The following ZNF84 variants were observed in gnomAD, a reference collection of about 807,000 sequenced individuals.
ZNF84 encodes zinc finger protein HPF2.
ZNF84 carries 12 observed loss-of-function variants against 14.8 expected under a neutral mutation model. The observed-to-expected ratio is 0.81, with a 90% CI of 0.52 to 1.31. ZNF84 has a LOEUF of 1.31. ZNF84 is among the 50% of genes most tolerant of loss of function. The probability of loss-of-function intolerance (pLI) is 0.00; values close to 1 mark genes in which losing one functional copy is unlikely to be tolerated. For synonymous variants in ZNF84, 347 were observed against 291.1 expected (o/e 1.19, Z -1.96); for missense variants, 859 against 878.6 (o/e 0.98, Z 0.28).
chr12:133,050,819 T>G (rs1954056693), intron 4 of ZNF84, among the ~76,000 whole-genome samples: 1 of 152,228 alleles, frequency 6.6e-6, no homozygotes. Flanking sequence ...TTTAGAAGGT[T>G]GGTCCCTGAG....
chr12:133,042,863 C>T (rs911837800), intron 2 of ZNF84, among the ~76,000 whole-genome samples: 1 of 152,178 alleles, frequency 6.6e-6, no homozygotes, highest in Admixed American at 6.5e-5. Context: ...CATGAAATCA[C>T]CACTCAGATC....
Position 133,057,105 on chromosome 12 carries a change from T to C in ZNF84, c.390T>C (p.Gly130=), listed in dbSNP as rs1173606947. The stretch of plus-strand genomic sequence containing the variant: ...CTTTAAGGAAATCAAACAGTGAAGG[T>C]GACTTAGATGGATTGATTTTAAAAC... The part of the protein sequence containing the change: ...FVPLRKSNSE[G]DLDGLILKHH... The change falls in exon 5 of 5, where the codon GGT becomes GGC. Residue 130 remains glycine, a synonymous_variant. Coordinates refer to ENST00000539354, the MANE Select transcript of ZNF84 (RefSeq NM_001289971.2). 1 of 1,612,338 alleles carries C rather than the reference T, an allele frequency of 6.2e-7. No individual in the cohort carries two copies. Among genetic ancestry groups the C allele is most frequent in the Non-Finnish European group, 8.5e-7 (1 of 1,179,628 alleles).
At chr12:133,053,116 T>C (rs1593708817) in intron 4 of ZNF84, among the ~76,000 whole-genome samples, 1 of 152,154 alleles carries the variant, frequency 6.6e-6, no homozygotes. Flanking sequence ...GAAAATGTAA[T>C]TGGAAGCAGG....
intron 1 of ZNF84, chr12:133,037,869 C>T (rs1953813864): frequency 6.6e-6 from 1 of 152,238 alleles, no homozygotes; most frequent in African/African-American, 2.4e-5. Flanking sequence ...GCCCGCTTGC[C>T]GCGCCGTGGC....
chr12:133,059,995 A>G lies in ZNF84; in HGVS notation c.*1063A>G, dbSNP rs1366106740. The G allele has an allele frequency of 2.6e-5, 4 of 152,222 alleles. No homozygotes were observed. The East Asian group carries it at 7.7e-4, about 29-fold the overall frequency. 9.4% of individuals were successfully genotyped at this position (152,222 alleles called of 1,614,324 possible). A position where few individuals can be genotyped will look rare whatever the true frequency, so the allele number is the denominator to read the frequency against. On this transcript the variant is annotated 3_prime_UTR_variant, in exon 5 of 5. Coordinates refer to ENST00000539354, the MANE Select transcript of ZNF84 (RefSeq NM_001289971.2). The stretch of plus-strand genomic sequence containing the variant: ...CAAAGGCAGGAACCACAGAATAACC[A>G]TAGTAATATATAACTGAATGAGCAA...
At chr12:133,038,318 C>G (rs1953824788) in intron 1 of ZNF84, among the ~76,000 whole-genome samples, 2 of 152,030 alleles carry the variant, frequency 1.3e-5, no homozygotes, top group Admixed American at 1.3e-4. Flanking sequence ...TGTATAACTT[C>G]TCTGGAGCCA....
chr12:133,051,112 G>GTTTTTTTTT (rs71825223), intron 4 of ZNF84, among the ~76,000 whole-genome samples: 1 of 145,576 alleles, frequency 6.9e-6, no homozygotes. Context: ...TTGTTTTTTG[G>GTTTTTTTTT]TTTTTTTTTT....
intron 2 of ZNF84, among the ~76,000 whole-genome samples, chr12:133,043,989 C>T (rs1953933721): frequency 6.6e-6 from 1 of 151,402 alleles, no homozygotes; most frequent in Non-Finnish European, 1.5e-5. Flanking sequence ...GTCTTGAACT[C>T]CTGACCTTGT....
chr12:133,056,030 A>G (rs1476935642), intron 4 of ZNF84, among the ~76,000 whole-genome samples: 2 of 152,202 alleles, frequency 1.3e-5, no homozygotes, highest in African/African-American at 4.8e-5. Flanking sequence ...TGGCTTTCTT[A>G]ATAGTAATGT....
At chr12:133,044,075 T>A (rs2137343140) in intron 2 of ZNF84, among the ~76,000 whole-genome samples, 1 of 152,240 alleles carries the variant, frequency 6.6e-6, no homozygotes, top group South Asian at 2.1e-4. Flanking sequence ...GCTTACTTAT[T>A]AGTTCTAATG....
rs1954268186 is a variant in ZNF84 at position 133,061,725 on chromosome 12, C to G, written c.*2793C>G. 1 of 152,128 alleles carries G rather than the reference C, an allele frequency of 6.6e-6. No homozygotes were observed. Among genetic ancestry groups the G allele is most frequent in the African/African-American group, 2.4e-5 (1 of 41,412 alleles). 9.4% of individuals were successfully genotyped at this position (152,128 alleles called of 1,614,324 possible). On this transcript the variant is annotated 3_prime_UTR_variant, in exon 5 of 5. Transcript: ENST00000539354. ...CCTACACTAGATAATGGAACTTCAACATTAGCCTATTGATTGCCCAAGAAC... is the reference window on the plus strand; with the variant it reads ...CCTACACTAGATAATGGAACTTCAAGATTAGCCTATTGATTGCCCAAGAAC...
Position 133,058,964 on chromosome 12 carries a change from A to G in ZNF84, c.*32A>G. 6 of 1,528,640 alleles carry G rather than the reference A, an allele frequency of 3.9e-6. No individual in the cohort carries two copies. Among genetic ancestry groups the G allele is most frequent in the African/African-American group, 1.4e-5 (1 of 72,322 alleles). 94.7% of individuals were successfully genotyped at this position (1,528,640 alleles called of 1,614,324 possible). On this transcript the variant is annotated 3_prime_UTR_variant, in exon 5 of 5. Transcript: ENST00000539354. ...AGTTAATAGTAGTCTTTGACAGATC[A>G]TCTTGGACTTCAGGAAATGCAATTA...
rs1439238931 is a variant in ZNF84 at position 133,041,470 on chromosome 12, GACC to G, written c.5_7del (p.Thr2del). 13 of 1,614,030 alleles carry G rather than the reference GACC, an allele frequency of 8.1e-6. No homozygotes were observed. Among genetic ancestry groups the G allele is most frequent in the Non-Finnish European group, 1.0e-5 (12 of 1,180,014 alleles). On this transcript the variant is annotated inframe_deletion, in exon 2 of 5. Transcript: ENST00000539354. ...ATCATCTCGTACAGCAGCAGAAAAT[GACC>G]ATGTTACAGGTGAGTTGATTGTTGA... is the stretch of plus-strand genomic sequence containing the variant.
intron 4 of ZNF84, among the ~76,000 whole-genome samples, chr12:133,055,580 T>TA (rs1399669167): frequency 2.6e-5 from 4 of 151,880 alleles, no homozygotes; most frequent in Non-Finnish European, 5.9e-5. Context: ...CAGAAATATT[T>TA]AAAAAAAGAA....
rs928510685 is a variant in ZNF84 at position 133,047,970 on chromosome 12, G to A, written c.31G>A (p.Asp11Asn). The change falls in exon 3 of 5, where the codon GAC becomes AAC. Residue 11 changes from aspartate to asparagine, a missense_variant. By Grantham distance (23) the Asp-to-Asn change is conservative. Coordinates refer to ENST00000539354, the MANE Select transcript of ZNF84 (RefSeq NM_001289971.2). MTMLQESFSF[D>N]DLSVDFTQKE... ...GCTCTTACAGGAGTCATTCTCATTT[G>A]ACGATTTATCTGTGGACTTCACCCA... The A allele has an allele frequency of 1.9e-6, 3 of 1,613,946 alleles. No homozygotes were observed. The highest frequency in any genetic ancestry group is 2.5e-6 in the Non-Finnish European group (3 of 1,179,912).
intron 4 of ZNF84, 41 bp downstream of exon 4, chr12:133,048,889 C>T (rs1954028496): frequency 1.3e-6 from 2 of 1,534,116 alleles, no homozygotes; most frequent in South Asian, 1.1e-5. Context: ...AGAGCAGAAG[C>T]CCCATGTCAT....
rs1954179826 is a variant in ZNF84, at chr12:133,057,452, A to G, written c.737A>G (p.Gln246Arg). The G allele has an allele frequency of 1.9e-6, 3 of 1,614,228 alleles. No individual in the cohort carries two copies. The highest frequency in any genetic ancestry group is 3.3e-5 in the Admixed American group (2 of 60,028). Reference protein sequence around the residue: ...GCGNCGKTFPQKSQFITHHRT... With the variant: ...GCGNCGKTFPRKSQFITHHRT... Reference sequence around the variant, plus strand: ...GGTAATTGTGGCAAAACCTTTCCCCAGAAGTCTCAGTTTATTACACATCAC... The same window carrying G: ...GGTAATTGTGGCAAAACCTTTCCCCGGAAGTCTCAGTTTATTACACATCAC... Residue 246 changes from glutamine to arginine, a missense_variant, in exon 5 of 5, where the codon CAG (glutamine) becomes CGG (arginine). Coordinates refer to ENST00000539354, the MANE Select transcript of ZNF84 (RefSeq NM_001289971.2).
rs374745625 is a variant in ZNF84 at position 133,038,156 on chromosome 12, C to T, written c.-191+611C>T. Among the ~76,000 whole-genome samples the T allele has an allele frequency of 2.2e-3, 325 of 150,768 alleles. 1 individual carries two copies. The highest frequency in any genetic ancestry group is 7.3e-3 in the African/African-American group (302 of 41,174). ...GGGTTTCCATTATTTTAAAATTTAA[C>T]CCACTGAAAGTAGTTGTATGAAATA... is the stretch of plus-strand genomic sequence containing the variant. On this transcript the variant is annotated intron_variant, in intron 1 of 4. Coordinates refer to ENST00000539354, the MANE Select transcript of ZNF84 (RefSeq NM_001289971.2).
At chr12:133,052,128 A>G (rs2137391463) in intron 4 of ZNF84, among the ~76,000 whole-genome samples, 1 of 152,320 alleles carries the variant, frequency 6.6e-6, no homozygotes, top group South Asian at 2.1e-4. Flanking sequence ...GTCTGCCATA[A>G]CAAAATACCA....
Sources: gnomAD v4.1 joint callset for allele counts (sites outside exome capture counted in the v4.1 genomes callset) on GRCh38, gnomAD v4.1.1 for gene constraint, MANE v1.5 for transcripts, NCBI Gene and HGNC (gene_info 2026-07-23, HGNC 2026-07-21) for gene names.